ADGRA1: variants seen among roughly 807,000 people sequenced by gnomAD.
ADGRA1 encodes adhesion G protein-coupled receptor A1.
Under a neutral mutation model 21.3 loss-of-function variants are expected in ADGRA1, and 12 were observed. The ratio of observed to expected loss-of-function variants is 0.56; its 90% CI spans 0.36 to 0.91. ADGRA1 has a LOEUF of 0.91. ADGRA1 is among the 40% of genes least tolerant of loss of function. The pLI is 0.01. For synonymous variants in ADGRA1, 385 were observed against 368.8 expected (o/e 1.04, Z -0.50); for missense variants, 790 against 805.6 (o/e 0.98, Z 0.23).
At chr10:133,094,912 G>A (rs189004327) in intron 2 of ADGRA1, among the ~76,000 whole-genome samples, 10 of 152,284 alleles carry the variant, frequency 6.6e-5, no homozygotes, top group African/African-American at 9.6e-5. Context: ...ACCTGATGTC[G>A]GGATTTGGCC....
intron 5 of ADGRA1, among the ~76,000 whole-genome samples, chr10:133,116,108 G>A (rs1236978709): frequency 3.4e-5 from 5 of 146,366 alleles, no homozygotes; most frequent in South Asian, 2.3e-4. Flanking sequence ...CACCCACGCC[G>A]CTCTGCAGGG....
chr10:133,111,541 A>C (rs61862108), intron 5 of ADGRA1, among the ~76,000 whole-genome samples: 106 of 3,616 alleles, frequency 0.029, 1 homozygote, highest in East Asian at 0.05. Flanking sequence ...CCCACCAGAC[A>C]ACCTGCCCAC....
chr10:133,122,311 C>T (rs1414359186), intron 5 of ADGRA1, among the ~76,000 whole-genome samples: 2 of 152,208 alleles, frequency 1.3e-5, no homozygotes, highest in Non-Finnish European at 2.9e-5. Context: ...AGGACCACAC[C>T]TGCAGTCTGC....
chr10:133,107,804 A>AC (rs1286600542), intron 5 of ADGRA1, among the ~76,000 whole-genome samples: 2 of 152,186 alleles, frequency 1.3e-5, no homozygotes, highest in East Asian at 3.9e-4. Flanking sequence ...CTAGATAGTC[A>AC]GGGAAAAAAC....
chr10:133,099,118 A>G (rs11101923), intron 4 of ADGRA1, among the ~76,000 whole-genome samples: 457 of 45,272 alleles, frequency 0.01, 3 homozygotes, highest in Non-Finnish European at 6.3e-3. Flanking sequence ...CCACCCCTCC[A>G]GGAGAAAGTG....
In ADGRA1 at chr10:133,123,375, G is replaced by A. The variant is rs61862114; in HGVS notation, c.402-3858G>A. Among the ~76,000 whole-genome samples, 994 of 152,330 alleles carry A rather than the reference G, an allele frequency of 6.5e-3. 6 individuals carry two copies. Among genetic ancestry groups the A allele is most frequent in the Middle Eastern group, 0.01 (3 of 294 alleles). On this transcript the variant is annotated intron_variant, in intron 5 of 6. Coordinates refer to ENST00000392607, the MANE Select transcript of ADGRA1 (RefSeq NM_001083909.3). The stretch of plus-strand genomic sequence containing the variant: ...CCGAGCGGCAGAGACTTTCCCTTTC[G>A]CTGAGTCAGCTTTGGAACCCAAAGT...
At chr10:133,123,935 C>T (rs545518911) in intron 5 of ADGRA1, among the ~76,000 whole-genome samples, 69 of 152,322 alleles carry the variant, frequency 4.5e-4, no homozygotes, top group African/African-American at 1.5e-3. Flanking sequence ...TCCCTCTTGA[C>T]GCGTGAGGTG....
intron 5 of ADGRA1, among the ~76,000 whole-genome samples, chr10:133,112,691 G>C (rs1345745495): frequency 7.1e-6 from 1 of 139,886 alleles, no homozygotes; most frequent in African/African-American, 2.7e-5. Context: ...TGGGGTCTAC[G>C]GGCCACGTCA....
At chr10:133,103,966 G>A (rs1851846299) in intron 5 of ADGRA1, among the ~76,000 whole-genome samples, 1 of 152,238 alleles carries the variant, frequency 6.6e-6, no homozygotes, top group Non-Finnish European at 1.5e-5. Context: ...GCCAGAGGCT[G>A]CTCTGTGGCC....
chr10:133,112,397 CCGCGTCCGT>C lies in ADGRA1; in HGVS notation c.401+9556_401+9564del, dbSNP rs1564850073. 3.4e-3 allele frequency among the ~76,000 whole-genome samples: 471 copies of C among 139,578 alleles called. 36 individuals carry two copies. Among genetic ancestry groups the C allele is most frequent in the East Asian group, 0.032 (152 of 4,746 alleles). The allele number at this position is 139,578 out of a possible 152,430, so 91.6% of individuals were successfully genotyped here. On this transcript the variant is annotated intron_variant, in intron 5 of 6. Transcript: ENST00000392607. ...GTGTCGGTTATTTGGGGTCTACGGG[CCGCGTCCGT>C]TATTTGGGGTCTGCGGGCCATGTCG...
chr10:133,098,600 A>T lies in ADGRA1; in HGVS notation c.132-40A>T, dbSNP rs763280881. 1.9e-6 allele frequency: 3 copies of T among 1,581,742 alleles called. No homozygotes were observed. The East Asian group carries it at 6.8e-5, about 36-fold the overall frequency. On this transcript the variant is annotated intron_variant, in intron 3 of 6. Coordinates refer to ENST00000392607, the MANE Select transcript of ADGRA1 (RefSeq NM_001083909.3). ...CTCCCTTCCACGCCTCCCCCTGCAG[A>T]GCCTCTGCTCATGTGAAACCCTCCT...
At chr10:133,097,250 C>G (rs984455943) in intron 3 of ADGRA1, 149 bp downstream of exon 3, 9 of 946,674 alleles carry the variant, frequency 9.5e-6, no homozygotes, top group South Asian at 3.1e-5. Flanking sequence ...AGCTCAGACC[C>G]GCTCAGCAGC....
Position 133,129,231 on chromosome 10 carries a change from C to T in ADGRA1, c.1403C>T (p.Thr468Met). Residue 468 changes from threonine to methionine, a missense_variant, in exon 7 of 7, where the codon ACG (threonine) becomes ATG (methionine). Coordinates refer to ENST00000392607, the MANE Select transcript of ADGRA1 (RefSeq NM_001083909.3). ...CTGGATGGCCCGGCGGGGACACACA[C>T]GCTGGCCTGCTGCACCCAGGGCGAC... ...SSLDGPAGTH[T>M]LACCTQGDPF... 2 of 1,549,688 alleles carry T rather than the reference C, an allele frequency of 1.3e-6. No homozygotes were observed. The highest frequency in any genetic ancestry group is 1.7e-6 in the Non-Finnish European group (2 of 1,146,888).
intron 3 of ADGRA1, among the ~76,000 whole-genome samples, chr10:133,097,564 T>A (rs1293342212): frequency 6.6e-6 from 1 of 152,038 alleles, no homozygotes; most frequent in Non-Finnish European, 1.5e-5. Context: ...GAGGCCAAGG[T>A]CGCCTCGGTC....
intron 5 of ADGRA1, among the ~76,000 whole-genome samples, chr10:133,111,996 T>A (rs71484057): frequency 0.078 from 1,643 of 20,976 alleles, 376 homozygotes; most frequent in East Asian, 0.34. Flanking sequence ...TCCTAATGCC[T>A]CCAGACCACC....
At chr10:133,099,787 C>T (rs150479570) in intron 4 of ADGRA1, among the ~76,000 whole-genome samples, 3,463 of 152,338 alleles carry the variant, frequency 0.023, 58 homozygotes, top group Non-Finnish European at 0.034. Context: ...ACAGTCACCT[C>T]CAGGGCCCAG....
chr10:133,117,066 C>T (rs761124319), intron 5 of ADGRA1, among the ~76,000 whole-genome samples: 1 of 152,116 alleles, frequency 6.6e-6, no homozygotes, highest in Non-Finnish European at 1.5e-5. Flanking sequence ...CCCAGGTGCT[C>T]TCATGGAGGC....
chr10:133,100,440 C>T (rs1851771006), intron 4 of ADGRA1, among the ~76,000 whole-genome samples: 1 of 152,246 alleles, frequency 6.6e-6, no homozygotes, highest in Admixed American at 6.5e-5. Context: ...CCCCCGAGGG[C>T]CTTCAGCAAA....
chr10:133,127,442 G>A, intron 6 of ADGRA1, 111 bp downstream of exon 6: 1 of 818,596 alleles, frequency 1.2e-6, no homozygotes, highest in Non-Finnish European at 1.9e-6. Flanking sequence ...GCAAGGCCTG[G>A]GCCTGGACCT....
Sources: gnomAD v4.1 joint callset for allele counts (sites outside exome capture counted in the v4.1 genomes callset) on GRCh38, gnomAD v4.1.1 for gene constraint, MANE v1.5 for transcripts, NCBI Gene and HGNC (gene_info 2026-07-23, HGNC 2026-07-21) for gene names.